The following CYP2J2 variants were observed in gnomAD, a reference collection of about 807,000 sequenced individuals.
The protein encoded by CYP2J2 is cytochrome P450 family 2 subfamily J member 2, also known as cytochrome P450 2J2.
A neutral mutation model predicts 48.8 loss-of-function variants in CYP2J2; 41 were observed. The observed-to-expected ratio is 0.84, with a 90% CI of 0.66 to 1.09. CYP2J2 has a LOEUF of 1.09. CYP2J2 is among the 50% of genes least tolerant of loss of function. CYP2J2 has a pLI of 0.00. For missense variants in CYP2J2, 644 were observed against 617.3 expected, an observed-to-expected ratio of 1.04 and a Z score of -0.46; for synonymous variants, 221 against 227.1, an observed-to-expected ratio of 0.97 and a Z score of 0.24.
the CYP2J2 span, among the ~76,000 whole-genome samples, chr1:59,964,639 G>A: frequency 6.6e-6 from 1 of 152,198 alleles, no homozygotes; most frequent in East Asian, 1.9e-4. Flanking sequence ...CTGCAGTCCT[G>A]AGTTTTTTCC....
the CYP2J2 span, among the ~76,000 whole-genome samples, chr1:59,958,973 T>G: frequency 6.6e-6 from 1 of 152,212 alleles, no homozygotes; most frequent in Non-Finnish European, 1.5e-5. Context: ...TGCCCACTTT[T>G]TAACTAGCTT....
chr1:59,960,905 G>A, the CYP2J2 span, among the ~76,000 whole-genome samples: 1 of 152,088 alleles, frequency 6.6e-6, no homozygotes, highest in South Asian at 2.1e-4. Context: ...GGGAAGAACA[G>A]GTTTTTCAAC....
chr1:59,899,872 T>C (rs1402054686), intron 8 of CYP2J2, among the ~76,000 whole-genome samples: 2 of 152,218 alleles, frequency 1.3e-5, no homozygotes, highest in South Asian at 2.1e-4. Context: ...TGACACATAA[T>C]AGATGCTCAA....
At chr1:59,953,107 C>A in the CYP2J2 span, among the ~76,000 whole-genome samples, 1 of 152,264 alleles carries the variant, frequency 6.6e-6, no homozygotes, top group South Asian at 2.1e-4. Context: ...TGTGGGGATA[C>A]ACATGATGCA....
the CYP2J2 span, among the ~76,000 whole-genome samples, chr1:59,967,450 G>A: frequency 6.6e-6 from 1 of 152,210 alleles, no homozygotes; most frequent in Non-Finnish European, 1.5e-5. Flanking sequence ...CCTACCACAA[G>A]CAGCAGGGAC....
Position 59,905,201 on chromosome 1 carries a change from A to G in CYP2J2, c.1004-143T>C, listed in dbSNP as rs1273892988. ...AATAAAATGGTTCTTAACCTTTTGA[A>G]AGGCTTATTCAGAAAACTACCACCT... On this transcript the variant is annotated intron_variant, in intron 6 of 8. Transcript: ENST00000371204. 1.2e-5 allele frequency: 10 copies of G among 818,490 alleles called. 1 individual carries two copies. The Admixed American group carries it at 3.2e-4, about 26-fold the overall frequency. The allele number at this position is 818,490 out of a possible 1,614,324, so 50.7% of individuals were successfully genotyped here.
At chr1:59,933,483 T>C in the CYP2J2 span, among the ~76,000 whole-genome samples, 1 of 152,194 alleles carries the variant, frequency 6.6e-6, no homozygotes, top group Non-Finnish European at 1.5e-5. Context: ...AGATTGTTTG[T>C]TGTTAGTGTA....
intron 1 of CYP2J2, among the ~76,000 whole-genome samples, chr1:59,922,907 AG>A (rs1460905218): frequency 4.6e-5 from 7 of 152,208 alleles, no homozygotes; most frequent in Non-Finnish European, 1.0e-4. Flanking sequence ...GTACATGGAT[AG>A]TACCTTGTCT....
chr1:59,907,961 T>C, intron 5 of CYP2J2, 34 bp from the exon 6 acceptor site: 2 of 1,609,712 alleles, frequency 1.2e-6, no homozygotes, highest in Non-Finnish European at 1.7e-6. Flanking sequence ...TATTTATTGG[T>C]TTATTCAGAG....
chr1:59,932,312 A>C, the CYP2J2 span, among the ~76,000 whole-genome samples: 1 of 152,176 alleles, frequency 6.6e-6, no homozygotes, highest in East Asian at 1.9e-4. Flanking sequence ...AATACATGCT[A>C]TAAGCATTGA....
chr1:59,915,486 G>C (rs1363255309), intron 2 of CYP2J2, among the ~76,000 whole-genome samples: 1 of 152,100 alleles, frequency 6.6e-6, no homozygotes, highest in Non-Finnish European at 1.5e-5. Flanking sequence ...ATGCCAATCT[G>C]TTCTATCATA....
rs1408243389 is a variant in CYP2J2, at chr1:59,916,106, A to G, written c.211-6T>C. ...TTCCCATATTTCTTCACAAACTGAA[A>G]AATAGTTAAATCGTAACAGTTGAAT... On this transcript the variant is annotated splice_polypyrimidine_tract_variant and splice_region_variant and intron_variant, in intron 1 of 8. Coordinates refer to ENST00000371204, the MANE Select transcript of CYP2J2 (RefSeq NM_000775.4). 6.2e-7 allele frequency: 1 copy of G among 1,606,246 alleles called. No homozygotes were observed. The highest frequency in any genetic ancestry group is 2.2e-5 in the East Asian group (1 of 44,762).
Position 59,911,786 on chromosome 1 carries a change from G to A in CYP2J2, c.524-18C>T, listed in dbSNP as rs773282386. ...AGGCTGTCCTGAAGGTGGAGGAAGG[G>A]CAAGATGGATCCTTCTGATGGATTT... On this transcript the variant is annotated intron_variant, in intron 3 of 8. Transcript: ENST00000371204. The A allele has an allele frequency of 2.5e-6, 4 of 1,608,012 alleles. No homozygotes were observed. In the African/African-American group the frequency reaches 5.4e-5, roughly 22 times the overall value.
At chr1:59,952,617 G>A in the CYP2J2 span, among the ~76,000 whole-genome samples, 1 of 152,252 alleles carries the variant, frequency 6.6e-6, no homozygotes, top group East Asian at 1.9e-4. Flanking sequence ...AGAAGACAAG[G>A]ACAACTCCAG....
the CYP2J2 span, among the ~76,000 whole-genome samples, chr1:59,949,543 G>A: frequency 6.6e-6 from 1 of 152,212 alleles, no homozygotes; most frequent in African/African-American, 2.4e-5. Flanking sequence ...AATGTTTGTG[G>A]AGTAAATAAG....
At chr1:59,945,733 A>G in the CYP2J2 span, among the ~76,000 whole-genome samples, 2 of 152,208 alleles carry the variant, frequency 1.3e-5, no homozygotes, top group Non-Finnish European at 2.9e-5. Context: ...CAACTTGAAT[A>G]GGTTCCTATC....
At chr1:59,955,570 C>T in the CYP2J2 span, among the ~76,000 whole-genome samples, 1 of 151,968 alleles carries the variant, frequency 6.6e-6, no homozygotes. Context: ...AGCAACCATA[C>T]AGTGAAGATA....
Position 59,909,886 on chromosome 1 carries a change from T to C in CYP2J2, c.759A>G (p.Lys253=). 1.2e-6 allele frequency: 2 copies of C among 1,612,184 alleles called. No individual in the cohort carries two copies. The highest frequency in any genetic ancestry group is 1.7e-6 in the Non-Finnish European group (2 of 1,179,130). The part of the protein sequence containing the change: ...PHQTLFSNWK[K]LKLFVSHMID... The stretch of plus-strand genomic sequence containing the variant: ...TCATATGAGAAACAAACAATTTCAG[T>C]TTTTTCCAGTTGCTGAAGAGAGTTT... The change falls in exon 5 of 9, where the codon AAA becomes AAG. Residue 253 remains lysine, a synonymous_variant. Transcript: ENST00000371204.
Position 59,904,959 on chromosome 1 carries a change from T to A in CYP2J2, c.1103A>T (p.Glu368Val). 3 of 1,613,760 alleles carry A rather than the reference T, an allele frequency of 1.9e-6. No homozygotes were observed. In the East Asian group the frequency reaches 6.7e-5, roughly 36 times the overall value. Residue 368 changes from glutamate (E) to valine (V), a missense_variant, in exon 7 of 9, where the codon GAG becomes GTG. Physicochemically the swap from Glu to Val is moderately radical, Grantham distance 121. Coordinates refer to ENST00000371204, the MANE Select transcript of CYP2J2 (RefSeq NM_000775.4). ...GATGATGTTGCCCATTCTCTGCACCTCATGGATGACAGCATTGGTGTAGGG... is the reference window on the plus strand; with the variant it reads ...GATGATGTTGCCCATTCTCTGCACCACATGGATGACAGCATTGGTGTAGGG... Reference protein sequence around the residue: ...SMPYTNAVIHEVQRMGNIIPL... With the variant: ...SMPYTNAVIHVVQRMGNIIPL...
Sources: gnomAD v4.1 joint callset for allele counts (sites outside exome capture counted in the v4.1 genomes callset) on GRCh38, gnomAD v4.1.1 for gene constraint, MANE v1.5 for transcripts, NCBI Gene and HGNC (gene_info 2026-07-23, HGNC 2026-07-21) for gene names.